Variants in PCDH15 observed in about 807,000 individuals in gnomAD.
PCDH15 encodes the protein protocadherin-15.
A neutral mutation model predicts 178.5 loss-of-function variants in PCDH15; 129 were observed. The observed-to-expected ratio is 0.72, with a 90% confidence interval of 0.63 to 0.84. PCDH15 has a LOEUF of 0.84. Among genes scored for constraint, PCDH15 ranks in the 40% least tolerant of loss-of-function variants. The pLI, the probability that PCDH15 is intolerant of heterozygous loss-of-function variation, is 0.00. For synonymous variants in PCDH15, 800 were observed against 732.0 expected, an observed-to-expected ratio of 1.09 and a Z score of -1.50; for missense variants, 2,230 against 2,099.9, an observed-to-expected ratio of 1.06 and a Z score of -1.21.
At chr10:54,332,732 C>A (rs992654065) in intron 6 of PCDH15, among the ~76,000 whole-genome samples, 2 of 151,958 alleles carry the variant, frequency 1.3e-5, no homozygotes, top group African/African-American at 4.8e-5. Flanking sequence ...AAATGTCTAG[C>A]TAAGCAACTT....
intron 32 of PCDH15, among the ~76,000 whole-genome samples, chr10:53,827,049 T>C (rs1180943476): frequency 6.6e-6 from 1 of 151,624 alleles, no homozygotes; most frequent in Non-Finnish European, 1.5e-5. Context: ...AGAATCTATT[T>C]ATATATTTAT....
intron 2 of PCDH15, among the ~76,000 whole-genome samples, chr10:54,939,237 G>A (rs1018679074): frequency 1.3e-5 from 2 of 151,804 alleles, no homozygotes; most frequent in African/African-American, 2.4e-5. Flanking sequence ...GCTCACGCCC[G>A]TAATCCCAGT....
At chr10:55,304,349 GA>G (rs933155073) in intron 1 of PCDH15, among the ~76,000 whole-genome samples, 1 of 152,020 alleles carries the variant, frequency 6.6e-6, no homozygotes, top group African/African-American at 2.4e-5. Context: ...GGATACGTGA[GA>G]AAAAAATAAA....
chr10:53,830,020 T>C (rs1345424669), intron 30 of PCDH15, among the ~76,000 whole-genome samples: 2 of 152,144 alleles, frequency 1.3e-5, no homozygotes, highest in Admixed American at 6.5e-5. Context: ...ATAAGGACTA[T>C]TGGCTGGGCG....
chr10:55,042,159 T>C (rs1840879312), intron 2 of PCDH15, among the ~76,000 whole-genome samples: 2 of 152,088 alleles, frequency 1.3e-5, no homozygotes, highest in South Asian at 4.1e-4. Flanking sequence ...GATGAGACTC[T>C]AGGAAATTCA....
chr10:54,621,371 A>T (rs1383472161), intron 2 of PCDH15, among the ~76,000 whole-genome samples: 8 of 151,930 alleles, frequency 5.3e-5, no homozygotes, highest in Non-Finnish European at 1.0e-4. Flanking sequence ...CCTCAAGATT[A>T]TTTTTTAAGA....
At chr10:55,049,180 A>G (rs1174256916) in intron 2 of PCDH15, among the ~76,000 whole-genome samples, 1 of 151,924 alleles carries the variant, frequency 6.6e-6, no homozygotes, top group Non-Finnish European at 1.5e-5. Flanking sequence ...TCTTCAAAGG[A>G]CCCAAGCTGT....
chr10:53,947,680 G>T (rs1327642276), intron 23 of PCDH15, among the ~76,000 whole-genome samples: 2 of 152,102 alleles, frequency 1.3e-5, no homozygotes, highest in Non-Finnish European at 2.9e-5. Flanking sequence ...GGAGAGAGAT[G>T]CTAGTTCTTC....
intron 15 of PCDH15, among the ~76,000 whole-genome samples, chr10:54,097,158 C>T (rs2094715230): frequency 6.6e-6 from 1 of 151,992 alleles, no homozygotes. Context: ...TTCAATGCAG[C>T]ATCCAGGATT....
At chr10:54,287,377 A>C (rs564227203) in intron 8 of PCDH15, among the ~76,000 whole-genome samples, 1 of 152,294 alleles carries the variant, frequency 6.6e-6, no homozygotes, top group East Asian at 1.9e-4. Context: ...TGAAGACAGA[A>C]ATATTATAGT....
At chr10:55,041,648 G>A (rs982021015) in intron 2 of PCDH15, among the ~76,000 whole-genome samples, 2 of 151,958 alleles carry the variant, frequency 1.3e-5, no homozygotes, top group African/African-American at 4.8e-5. Flanking sequence ...ATTGGTTACT[G>A]TTCATTTGAT....
At chr10:55,213,905 A>G (rs1020451240) in intron 1 of PCDH15, among the ~76,000 whole-genome samples, 2 of 151,804 alleles carry the variant, frequency 1.3e-5, no homozygotes. Flanking sequence ...TTTTGCTTCC[A>G]GTATAAACAT....
At position 54,090,227 on chromosome 10, in the gene PCDH15, C is replaced by T. The variant is rs200561362; in HGVS notation, c.1918-164G>A. ...TGGCAAGGTGTAAAATCAAACATTT[C>T]GTATCTGATCCATTTCTGAATATGT... On this transcript the variant is annotated intron_variant, in intron 15 of 37. Transcript: ENST00000644397. 2.6e-5 allele frequency among the ~76,000 whole-genome samples: 4 copies of T among 152,286 alleles called. No individual in the cohort carries two copies. In the East Asian group the frequency reaches 5.8e-4, roughly 22 times the overall value.
intron 14 of PCDH15, among the ~76,000 whole-genome samples, chr10:54,141,894 A>C (rs2043445225): frequency 6.6e-6 from 1 of 152,168 alleles, no homozygotes; most frequent in Non-Finnish European, 1.5e-5. Context: ...GTAGCTGAAG[A>C]GAGATTATTA....
intron 2 of PCDH15, among the ~76,000 whole-genome samples, chr10:55,381,343 A>C (rs1338474603): frequency 6.6e-6 from 1 of 152,276 alleles, no homozygotes; most frequent in Non-Finnish European, 1.5e-5. Flanking sequence ...AACCAAAAAT[A>C]AATGTGGTTT....
chr10:54,579,465 A>G (rs1258427769), intron 2 of PCDH15, among the ~76,000 whole-genome samples: 3 of 152,156 alleles, frequency 2.0e-5, no homozygotes, highest in Admixed American at 6.6e-5. Flanking sequence ...CACACACTCA[A>G]TATTGGAGCA....
chr10:54,131,908 G>C (rs2042468310), intron 15 of PCDH15, among the ~76,000 whole-genome samples: 1 of 152,144 alleles, frequency 6.6e-6, no homozygotes, highest in African/African-American at 2.4e-5. Context: ...CCGAATTTAA[G>C]TGACAGGGTG....
chr10:55,323,679 A>ACTT (rs58675391), upstream of PCDH15, among the ~76,000 whole-genome samples: 1 of 151,954 alleles, frequency 6.6e-6, no homozygotes, highest in African/African-American at 2.4e-5. Flanking sequence ...AATGCCCATT[A>ACTT]CATTGTATCT....
At chr10:55,448,379 A>C (rs1349490818) in intron 2 of PCDH15, among the ~76,000 whole-genome samples, 1 of 152,020 alleles carries the variant, frequency 6.6e-6, no homozygotes, top group Non-Finnish European at 1.5e-5. Context: ...ATATTTTCAA[A>C]GTACAATTCT....
Sources: allele counts gnomAD v4.1 joint callset (sites outside exome capture counted in the v4.1 genomes callset), GRCh38; gene constraint gnomAD v4.1.1; transcripts MANE v1.5; gene names NCBI Gene and HGNC (gene_info 2026-07-23, HGNC 2026-07-21).